Variants in ZRANB3 observed in about 807,000 individuals in gnomAD.
ZRANB3 encodes DNA annealing helicase and endonuclease ZRANB3.
In ZRANB3, 125 loss-of-function variants were observed where a neutral mutation model predicts 133.8. That is an observed-to-expected ratio of 0.93 (90% CI 0.81 to 1.08). The LOEUF is 1.08. Among genes scored for constraint, ZRANB3 ranks in the 50% least tolerant of loss-of-function variants. The pLI is 0.00. For missense variants in ZRANB3, 1,229 were observed against 1,275.5 expected (o/e 0.96, Z 0.56); for synonymous variants, 387 against 432.7 (o/e 0.89, Z 1.31).
chr2:135,296,926 G>A lies in ZRANB3; in HGVS notation c.966+16563C>T, dbSNP rs200267456. Among the ~76,000 whole-genome samples, 4 of 152,142 alleles carry A rather than the reference G, an allele frequency of 2.6e-5. No individual in the cohort carries two copies. The South Asian group carries it at 6.2e-4, about 24-fold the overall frequency. On this transcript the variant is annotated intron_variant, in intron 8 of 20. Coordinates refer to ENST00000264159, the MANE Select transcript of ZRANB3 (RefSeq NM_032143.4). ...GAACCGCAAATGCTGCTGCCTGATC[G>A]TTCCTCTGGAAGTTTTGTCTCAGAG...
At chr2:135,530,302 A>C (rs1694452351) in intron 1 of ZRANB3, among the ~76,000 whole-genome samples, 1 of 152,104 alleles carries the variant, frequency 6.6e-6, no homozygotes, top group African/African-American at 2.4e-5. Context: ...GACTAAAGGC[A>C]GTAGAGGTAC....
At chr2:135,466,252 G>A (rs1478234047) in intron 2 of ZRANB3, among the ~76,000 whole-genome samples, 1 of 151,774 alleles carries the variant, frequency 6.6e-6, no homozygotes, top group Non-Finnish European at 1.5e-5. Context: ...GCGTGGTGGT[G>A]CATGCCTGTA....
chr2:135,302,528 G>GTT (rs34855515), intron 8 of ZRANB3, among the ~76,000 whole-genome samples: 5 of 141,258 alleles, frequency 3.5e-5, no homozygotes, highest in Admixed American at 7.0e-5. Context: ...ACCAGGGTTT[G>GTT]TTTTTTTTTT....
At chr2:135,226,316 A>C (rs1694759313) in intron 14 of ZRANB3, among the ~76,000 whole-genome samples, 2 of 152,244 alleles carry the variant, frequency 1.3e-5, no homozygotes, top group South Asian at 4.1e-4. Context: ...ACAAAACTAC[A>C]GTTCTAGAGT....
intron 2 of ZRANB3, among the ~76,000 whole-genome samples, chr2:135,440,791 A>G (rs1296559862): frequency 6.6e-6 from 1 of 152,218 alleles, no homozygotes; most frequent in African/African-American, 2.4e-5. Context: ...ACTGTGAGTG[A>G]CAAATGGGTA....
chr2:135,357,101 T>C (rs193206358), intron 3 of ZRANB3, among the ~76,000 whole-genome samples: 1 of 152,122 alleles, frequency 6.6e-6, no homozygotes, highest in Non-Finnish European at 1.5e-5. Context: ...CTTGATGATG[T>C]TGTTGTTTTA....
intron 2 of ZRANB3, among the ~76,000 whole-genome samples, chr2:135,414,364 T>TG (rs1448046507): frequency 1.3e-5 from 2 of 152,094 alleles, no homozygotes; most frequent in African/African-American, 4.8e-5. Context: ...AGAAGGCCAT[T>TG]ACATGGTGGT....
chr2:135,450,132 C>A (rs1690203044), intron 2 of ZRANB3, among the ~76,000 whole-genome samples: 2 of 152,030 alleles, frequency 1.3e-5, no homozygotes, highest in South Asian at 4.1e-4. Context: ...CATCTGTCTC[C>A]TTCCAAAGGT....
Position 135,483,454 on chromosome 2 carries a change from A to G in ZRANB3, c.161+20875T>C, listed in dbSNP as rs867648566. ...TGGTAGTTTGTATTTCTGTGGGATC[A>G]GTGGTGATATCCCCTTTATCATTTT... On this transcript the variant is annotated intron_variant, in intron 2 of 20. Coordinates refer to ENST00000264159, the MANE Select transcript of ZRANB3 (RefSeq NM_032143.4). Among the ~76,000 whole-genome samples, 884 of 152,166 alleles carry G rather than the reference A, an allele frequency of 5.8e-3. 4 individuals carry two copies. Among genetic ancestry groups the G allele is most frequent in the South Asian group, 0.021 (99 of 4,820 alleles).
chr2:135,434,060 G>T (rs1008029023), intron 2 of ZRANB3, among the ~76,000 whole-genome samples: 20 of 152,322 alleles, frequency 1.3e-4, no homozygotes, highest in African/African-American at 4.8e-4. Flanking sequence ...TGCTCGGGAG[G>T]CTGAGGCAGG....
At chr2:135,280,479 A>C (rs1681050818) in intron 8 of ZRANB3, among the ~76,000 whole-genome samples, 1 of 152,188 alleles carries the variant, frequency 6.6e-6, no homozygotes. Context: ...AGGCAGGAGA[A>C]TCATTTGAGC....
chr2:135,472,654 A>AT (rs1181995935), intron 2 of ZRANB3, among the ~76,000 whole-genome samples: 2 of 152,200 alleles, frequency 1.3e-5, no homozygotes, highest in Non-Finnish European at 2.9e-5. Context: ...ATATTTCATC[A>AT]TAACAAGAAT....
intron 1 of ZRANB3, among the ~76,000 whole-genome samples, chr2:135,505,107 T>C (rs1693116116): frequency 6.6e-6 from 1 of 152,156 alleles, no homozygotes; most frequent in Non-Finnish European, 1.5e-5. Context: ...CCCCTGGTTT[T>C]CCACAGATGT....
chr2:135,399,944 TATTAA>T (rs1359816945), intron 2 of ZRANB3, among the ~76,000 whole-genome samples: 1 of 152,172 alleles, frequency 6.6e-6, no homozygotes, highest in Non-Finnish European at 1.5e-5. Flanking sequence ...AATTTATTCC[TATTAA>T]ATTACATCCT....
chr2:135,416,157 G>A (rs984386243), intron 2 of ZRANB3, among the ~76,000 whole-genome samples: 8 of 151,720 alleles, frequency 5.3e-5, no homozygotes, highest in African/African-American at 1.9e-4. Context: ...AGGAAAAGAG[G>A]AAGTCAAGTT....
chr2:135,458,354 C>G (rs1377294255), intron 2 of ZRANB3, among the ~76,000 whole-genome samples: 1 of 151,726 alleles, frequency 6.6e-6, no homozygotes, highest in East Asian at 1.9e-4. Context: ...ATCTTGGATC[C>G]TTTGCATTTC....
At chr2:135,243,916 G>A (rs554218333) in intron 12 of ZRANB3, among the ~76,000 whole-genome samples, 4 of 151,780 alleles carry the variant, frequency 2.6e-5, no homozygotes, top group East Asian at 1.9e-4. Flanking sequence ...CACCATGCCC[G>A]GCCTTAAATT....
At chr2:135,511,626 C>G in intron 1 of ZRANB3, 1 of 784,044 alleles carries the variant, frequency 1.3e-6, no homozygotes, top group South Asian at 1.3e-5. Context: ...GCATGAATCT[C>G]CTCAAAGCCT....
chr2:135,295,413 TG>T (rs1682008751), intron 8 of ZRANB3, among the ~76,000 whole-genome samples: 5 of 152,184 alleles, frequency 3.3e-5, no homozygotes, highest in Admixed American at 3.3e-4. Context: ...TGCCTTTTTT[TG>T]TTTTCCATTT....
Sources: allele counts gnomAD v4.1 joint callset (sites outside exome capture counted in the v4.1 genomes callset), GRCh38; gene constraint gnomAD v4.1.1; transcripts MANE v1.5; gene names NCBI Gene and HGNC (gene_info 2026-07-23, HGNC 2026-07-21).